The following SMC5 variants were observed in gnomAD, a reference collection of about 807,000 sequenced individuals.
SMC5 encodes structural maintenance of chromosomes 5, also known as structural maintenance of chromosomes protein 5.
In SMC5, 88 loss-of-function variants were observed where a neutral mutation model predicts 148.3. The ratio of observed to expected loss-of-function variants is 0.59; its 90% CI spans 0.50 to 0.71. SMC5 has a LOEUF of 0.71. SMC5 is among the 30% of genes least tolerant of loss of function. The probability of loss-of-function intolerance (pLI) is 0.00; values close to 1 mark genes in which losing one functional copy is unlikely to be tolerated. For missense variants in SMC5, 1,142 were observed against 1,298.9 expected, an observed-to-expected ratio of 0.88 and a Z score of 1.86; for synonymous variants, 421 against 432.8, an observed-to-expected ratio of 0.97 and a Z score of 0.34.
intron 8 of SMC5, among the ~76,000 whole-genome samples, chr9:70,287,150 G>A (rs2034926709): frequency 6.6e-6 from 1 of 152,064 alleles, no homozygotes; most frequent in South Asian, 2.1e-4. Context: ...TTATTGCTAA[G>A]GAAAAATCTT....
At chr9:70,302,613 T>A (rs1587665883) in intron 10 of SMC5, among the ~76,000 whole-genome samples, 1 of 152,082 alleles carries the variant, frequency 6.6e-6, no homozygotes, top group East Asian at 1.9e-4. Flanking sequence ...GAGGTTGCAG[T>A]TACCCAAGAT....
chr9:70,339,255 C>G (rs2036448200), intron 17 of SMC5, among the ~76,000 whole-genome samples: 1 of 152,006 alleles, frequency 6.6e-6, no homozygotes, highest in Admixed American at 6.6e-5. Context: ...TGGTGAAACC[C>G]CATCTCTACT....
chr9:70,323,394 A>T (rs2035996195), intron 15 of SMC5, 89 bp from the exon 16 acceptor site: 1 of 1,304,478 alleles, frequency 7.7e-7, no homozygotes, highest in African/African-American at 1.5e-5. Context: ...ATTGCTAAAT[A>T]TATCCCAGAA....
chr9:70,340,259 C>G (rs1215622318), intron 17 of SMC5, among the ~76,000 whole-genome samples: 5 of 151,446 alleles, frequency 3.3e-5, no homozygotes, highest in Non-Finnish European at 7.4e-5. Flanking sequence ...GCTTGCCACT[C>G]CCTCAAAAAA....
intron 17 of SMC5, among the ~76,000 whole-genome samples, chr9:70,332,142 A>T (rs540403808): frequency 9.2e-5 from 14 of 152,290 alleles, no homozygotes; most frequent in African/African-American, 2.9e-4. Context: ...ATATTTATTT[A>T]AAAAATTTAA....
intron 11 of SMC5, among the ~76,000 whole-genome samples, chr9:70,306,105 A>G (rs975019731): frequency 1.3e-5 from 2 of 152,224 alleles, no homozygotes; most frequent in Non-Finnish European, 2.9e-5. Flanking sequence ...AGTATAATGT[A>G]TTAGCTATAT....
At chr9:70,313,087 G>T (rs2035701684) in intron 11 of SMC5, among the ~76,000 whole-genome samples, 1 of 151,978 alleles carries the variant, frequency 6.6e-6, no homozygotes, top group Admixed American at 6.5e-5. Flanking sequence ...GGCTATTTCA[G>T]CTTCTTTTTC....
At chr9:70,333,867 T>C (rs2036288945) in intron 17 of SMC5, among the ~76,000 whole-genome samples, 1 of 143,760 alleles carries the variant, frequency 7.0e-6, no homozygotes, top group East Asian at 2.1e-4. Context: ...TCAGGATTTC[T>C]TAAAATGTCA....
At position 70,262,911 on chromosome 9, in the gene SMC5, C is replaced by G. The variant is rs528837331; in HGVS notation, c.186-1393C>G. ...AGATTGATTTTAAACAGTGCAGACA[C>G]TTGATCTGGGTAGCTAAAGGCAAGA... On this transcript the variant is annotated intron_variant, in intron 1 of 24. Transcript: ENST00000361138. 1.3e-3 allele frequency among the ~76,000 whole-genome samples: 202 copies of G among 151,846 alleles called. 1 individual carries two copies. The highest frequency in any genetic ancestry group is 2.3e-3 in the Non-Finnish European group (155 of 67,956).
At chr9:70,352,059 C>A in intron 24 of SMC5, 132 bp from the exon 25 acceptor site, 1 of 752,382 alleles carries the variant, frequency 1.3e-6, no homozygotes, top group Non-Finnish European at 2.0e-6. Flanking sequence ...CCGGCCTGAG[C>A]AGCAGAGTGG....
At chr9:70,296,940 T>C (rs911325134) in intron 8 of SMC5, among the ~76,000 whole-genome samples, 21 of 152,190 alleles carry the variant, frequency 1.4e-4, no homozygotes, top group African/African-American at 5.1e-4. Flanking sequence ...TCTAAGCATA[T>C]AGACTGATGA....
At chr9:70,289,882 T>TATC (rs1324160519) in intron 8 of SMC5, among the ~76,000 whole-genome samples, 1 of 150,882 alleles carries the variant, frequency 6.6e-6, no homozygotes, top group Non-Finnish European at 1.5e-5. Flanking sequence ...AAAATATTAT[T>TATC]ATTATTATTA....
intron 8 of SMC5, among the ~76,000 whole-genome samples, chr9:70,287,668 G>T (rs2034945975): frequency 6.6e-6 from 1 of 152,064 alleles, no homozygotes; most frequent in Non-Finnish European, 1.5e-5. Context: ...TTTCTCCAAA[G>T]AATTAACCAC....
intron 11 of SMC5, among the ~76,000 whole-genome samples, chr9:70,307,191 G>A (rs1361914651): frequency 1.3e-5 from 2 of 152,130 alleles, no homozygotes; most frequent in African/African-American, 2.4e-5. Flanking sequence ...TCAGAAGTTC[G>A]AGACCAGCCT....
intron 18 of SMC5, 77 bp downstream of exon 18, chr9:70,344,346 C>A: frequency 2.6e-6 from 3 of 1,165,570 alleles, no homozygotes; most frequent in South Asian, 3.3e-5. Context: ...GCCATTGTAA[C>A]AGGCCGTGAA....
At chr9:70,294,610 T>C (rs766586895) in intron 8 of SMC5, among the ~76,000 whole-genome samples, 1 of 152,084 alleles carries the variant, frequency 6.6e-6, no homozygotes, top group Non-Finnish European at 1.5e-5. Flanking sequence ...CCAGAGTAAG[T>C]AAAATGGAAG....
chr9:70,324,476 C>G (rs1222057226), intron 17 of SMC5, among the ~76,000 whole-genome samples: 1 of 152,132 alleles, frequency 6.6e-6, no homozygotes, highest in Non-Finnish European at 1.5e-5. Flanking sequence ...GTTTTTGAAT[C>G]TCCAAAATCT....
intron 15 of SMC5, among the ~76,000 whole-genome samples, chr9:70,321,628 C>G (rs908439875): frequency 2.0e-5 from 3 of 152,002 alleles, no homozygotes; most frequent in African/African-American, 7.2e-5. Context: ...TCAGTCCTCC[C>G]GCCTCAGCCT....
intron 10 of SMC5, among the ~76,000 whole-genome samples, chr9:70,303,701 A>G (rs1054875510): frequency 2.0e-5 from 3 of 152,252 alleles, no homozygotes; most frequent in Non-Finnish European, 2.9e-5. Context: ...TACAGATGAA[A>G]GTAATGAAAG....
Sources: allele counts gnomAD v4.1 joint callset (sites outside exome capture counted in the v4.1 genomes callset), GRCh38; gene constraint gnomAD v4.1.1; transcripts MANE v1.5; gene names NCBI Gene and HGNC (gene_info 2026-07-23, HGNC 2026-07-21).